Variants in NBAS observed in about 807,000 individuals in gnomAD.
NBAS encodes NAG/BC035112 fusion.
Under a neutral mutation model 302.5 loss-of-function variants are expected in NBAS, and 219 were observed. That is an observed-to-expected ratio of 0.72 (90% CI 0.65 to 0.81). The LOEUF is 0.81. NBAS is among the 30% of genes least tolerant of loss of function. NBAS has a pLI of 0.00. For missense variants in NBAS, 2,932 were observed against 2,841.6 expected (o/e 1.03, Z -0.72); for synonymous variants, 1,118 against 1,021.6 (o/e 1.09, Z -1.80).
chr2:15,003,258 G>A, the NBAS span, among the ~76,000 whole-genome samples: 3 of 152,200 alleles, frequency 2.0e-5, no homozygotes, highest in East Asian at 1.9e-4. Flanking sequence ...GGAAGATGCC[G>A]ATTCTGTACT....
the NBAS span, among the ~76,000 whole-genome samples, chr2:14,861,923 A>C: frequency 6.6e-6 from 1 of 152,188 alleles, no homozygotes; most frequent in Non-Finnish European, 1.5e-5. Context: ...CACAGAACAG[A>C]CCTAGAAGAC....
chr2:15,271,383 T>C (rs368697278), intron 44 of NBAS, among the ~76,000 whole-genome samples: 2 of 152,350 alleles, frequency 1.3e-5, no homozygotes, highest in Middle Eastern at 3.4e-3. Context: ...ATAATTTTTC[T>C]GCTACAATCC....
chr2:14,891,469 G>A, the NBAS span, among the ~76,000 whole-genome samples: 1 of 152,064 alleles, frequency 6.6e-6, no homozygotes, highest in Non-Finnish European at 1.5e-5. Flanking sequence ...GAGGCAAATG[G>A]ATCACGTCAG....
chr2:15,403,504 A>C (rs1676250018), intron 25 of NBAS, among the ~76,000 whole-genome samples: 1 of 152,174 alleles, frequency 6.6e-6, no homozygotes, highest in African/African-American at 2.4e-5. Context: ...ATAGTATAAA[A>C]ACTATTTACA....
Position 15,475,711 on chromosome 2 carries a change from A to G in NBAS, c.1317T>C (p.His439=), listed in dbSNP as rs1680160003. The G allele has an allele frequency of 6.2e-7, 1 of 1,614,006 alleles. No individual in the cohort carries two copies. The highest frequency in any genetic ancestry group is 1.7e-5 in the Admixed American group (1 of 59,998). Residue 439 remains histidine (H), a synonymous_variant, in exon 14 of 52, where the codon CAT becomes CAC. Transcript: ENST00000281513. ...FEPSPQVTAT[H]DGGFLSLECE... ...CCTCCAAACTTAAAAATCCCCCATC[A>G]TGGGTAGCAGTGACTTGAGGTGATG... is the stretch of plus-strand genomic sequence containing the variant.
chr2:15,070,641 C>G, the NBAS span, among the ~76,000 whole-genome samples: 1 of 152,154 alleles, frequency 6.6e-6, no homozygotes, highest in Non-Finnish European at 1.5e-5. Context: ...TCCATGCCCC[C>G]TCACACTAGG....
In NBAS at chr2:15,381,289, A is replaced by G. The variant is rs1675022868; in HGVS notation, c.3361-1458T>C. On this transcript the variant is annotated intron_variant, in intron 29 of 51. Transcript: ENST00000281513. ...GCCACTGAACTTATTTTCCAAGGAC[A>G]GCAAAATCTAACAACCAAGTCACTA... 4.7e-5 allele frequency among the ~76,000 whole-genome samples: 7 copies of G among 150,520 alleles called. No individual in the cohort carries two copies. In the South Asian group the frequency reaches 1.5e-3, roughly 32 times the overall value.
intron 35 of NBAS, among the ~76,000 whole-genome samples, chr2:15,348,447 C>T (rs1030761861): frequency 1.7e-4 from 26 of 152,130 alleles, no homozygotes; most frequent in Non-Finnish European, 3.8e-4. Context: ...TGCAAAGAAG[C>T]CACCAAGAGG....
the NBAS span, among the ~76,000 whole-genome samples, chr2:14,784,640 G>A: frequency 5.8e-4 from 88 of 152,104 alleles, no homozygotes; most frequent in Admixed American, 3.1e-3. Context: ...GATATGCGGC[G>A]TTATTTCTGA....
At chr2:14,865,406 C>T in the NBAS span, among the ~76,000 whole-genome samples, 3 of 152,090 alleles carry the variant, frequency 2.0e-5, no homozygotes, top group East Asian at 5.8e-4. Context: ...AAAGTGTGAG[C>T]AAGCAAAAGA....
chr2:14,944,258 C>G, the NBAS span, among the ~76,000 whole-genome samples: 1 of 152,256 alleles, frequency 6.6e-6, no homozygotes, highest in Admixed American at 6.5e-5. Context: ...CGAGATCGAT[C>G]GCACCACTGC....
chr2:15,023,579 G>A, the NBAS span, among the ~76,000 whole-genome samples: 1 of 150,268 alleles, frequency 6.7e-6, no homozygotes, highest in Non-Finnish European at 1.5e-5. Context: ...TCTCATCCTT[G>A]CCAGCTATCA....
At chr2:15,387,310 G>A (rs189931280) in intron 28 of NBAS, among the ~76,000 whole-genome samples, 5 of 152,052 alleles carry the variant, frequency 3.3e-5, no homozygotes, top group South Asian at 2.1e-4. Context: ...CTTGTGATCC[G>A]CCCGCCTCGG....
At chr2:14,786,178 C>G in the NBAS span, among the ~76,000 whole-genome samples, 1 of 152,058 alleles carries the variant, frequency 6.6e-6, no homozygotes, top group Non-Finnish European at 1.5e-5. Flanking sequence ...TCCCCTTTAT[C>G]ATTTTTTATT....
chr2:15,465,147 C>G (rs1679668209), intron 19 of NBAS, among the ~76,000 whole-genome samples: 1 of 152,188 alleles, frequency 6.6e-6, no homozygotes, highest in Non-Finnish European at 1.5e-5. Flanking sequence ...CCTACTGGTT[C>G]TTGCAACAAA....
At chr2:15,092,689 A>G in the NBAS span, among the ~76,000 whole-genome samples, 1 of 152,158 alleles carries the variant, frequency 6.6e-6, no homozygotes. Context: ...TTCCTCCAGT[A>G]TGTCCAATTC....
At chr2:15,525,726 T>G (rs1662885058) in intron 9 of NBAS, among the ~76,000 whole-genome samples, 2 of 152,292 alleles carry the variant, frequency 1.3e-5, no homozygotes, top group African/African-American at 4.8e-5. Flanking sequence ...CTTCAAACAC[T>G]AACTAACTTT....
In NBAS at chr2:15,296,550, A is replaced by C. The variant is rs552488130; in HGVS notation, c.4798-3784T>G. On this transcript the variant is annotated intron_variant, in intron 40 of 51. Coordinates refer to ENST00000281513, the MANE Select transcript of NBAS (RefSeq NM_015909.4). ...CAAAAAAAACAAAACAAAACAAAAAAAAAAACTTTGCAAATCCCTCCAGGT... is the reference window on the plus strand; with the variant it reads ...CAAAAAAAACAAAACAAAACAAAAACAAAAACTTTGCAAATCCCTCCAGGT... Among the ~76,000 whole-genome samples the C allele has an allele frequency of 3.6e-3, 549 of 152,118 alleles. 4 individuals carry two copies. Among genetic ancestry groups the C allele is most frequent in the Admixed American group, 5.6e-3 (85 of 15,282 alleles).
chr2:15,067,910 T>C, the NBAS span, among the ~76,000 whole-genome samples: 244 of 152,234 alleles, frequency 1.6e-3, no homozygotes, highest in African/African-American at 5.6e-3. Context: ...TATTAATTAA[T>C]TGAGATTAAC....
Sources: allele counts gnomAD v4.1 joint callset (sites outside exome capture counted in the v4.1 genomes callset), GRCh38; gene constraint gnomAD v4.1.1; transcripts MANE v1.5; gene names NCBI Gene and HGNC (gene_info 2026-07-23, HGNC 2026-07-21).